Variants in MTA1 observed in about 807,000 individuals in gnomAD.
MTA1 encodes metastasis-associated protein MTA1.
MTA1 carries 15 observed loss-of-function variants against 97.0 expected under a neutral mutation model. The ratio of observed to expected loss-of-function variants is 0.15; its 90% CI spans 0.10 to 0.24. MTA1 has a LOEUF of 0.24. Among genes scored for constraint, MTA1 ranks in the 10% least tolerant of loss-of-function variants. The pLI is 1.00. For missense variants in MTA1, 709 were observed against 1,015.1 expected (o/e 0.70, Z 4.10); for synonymous variants, 435 against 417.5 (o/e 1.04, Z -0.51).
intron 8 of MTA1, among the ~76,000 whole-genome samples, chr14:105,459,577 A>C (rs542592770): frequency 7.9e-4 from 1 of 1,266 alleles, no homozygotes; most frequent in African/African-American, 8.7e-4. Context: ...GGTCCCTGGC[A>C]CCTGGGGAGC....
chr14:105,456,459 C>T (rs1192083343), intron 7 of MTA1, among the ~76,000 whole-genome samples: 2 of 152,194 alleles, frequency 1.3e-5, no homozygotes, highest in African/African-American at 4.8e-5. Flanking sequence ...GAGCCGGCCT[C>T]CTCTCCCCAC....
chr14:105,468,264 C>A lies in MTA1; in HGVS notation c.1814-1203C>A, dbSNP rs1328269706. 15 of 1,279,190 alleles carry A rather than the reference C, an allele frequency of 1.2e-5. No individual in the cohort carries two copies. In the Admixed American group the frequency reaches 3.0e-4, roughly 25 times the overall value. The allele number at this position is 1,279,190 out of a possible 1,614,324, so 79.2% of individuals were successfully genotyped here. On this transcript the variant is annotated intron_variant, in intron 18 of 20. Coordinates refer to ENST00000331320, the MANE Select transcript of MTA1 (RefSeq NM_004689.4). Reference sequence around the variant, plus strand: ...TGTTGCGCTGTCCCCACCTGCGGGGCCTGCAGATGGCTGCGTGTGGCTCAC... The same window carrying A: ...TGTTGCGCTGTCCCCACCTGCGGGGACTGCAGATGGCTGCGTGTGGCTCAC...
At chr14:105,458,538 C>T (rs906380570) in intron 8 of MTA1, among the ~76,000 whole-genome samples, 166 bp downstream of exon 8, 34 of 152,200 alleles carry the variant, frequency 2.2e-4, no homozygotes, top group African/African-American at 7.0e-4. Flanking sequence ...CAGAGAGGCT[C>T]GGGAGTGCTG....
chr14:105,440,423 G>T (rs1392646150), intron 2 of MTA1, among the ~76,000 whole-genome samples: 1 of 152,256 alleles, frequency 6.6e-6, no homozygotes, highest in East Asian at 1.9e-4. Context: ...CAGGCAACCC[G>T]GGGCGGGAGG....
At position 105,465,122 on chromosome 14, in the gene MTA1, G is replaced by T; in HGVS notation, c.1563G>T (p.Gln521His). The T allele has an allele frequency of 6.6e-7, 1 of 1,523,848 alleles. No homozygotes were observed. 94.4% of individuals were successfully genotyped at this position (1,523,848 alleles called of 1,614,324 possible). ...CGGCGCGGCTGCCCGAAGCCTCCCA[G>T]AGCCCGCTGGTGCTGAAGCAGGCGG... ...ECTARLPEASQSPLVLKQAVR... is the reference protein window; with the variant it reads ...ECTARLPEASHSPLVLKQAVR... Residue 521 changes from glutamine (Q) to histidine (H), a missense_variant, in exon 16 of 21, where the codon CAG becomes CAT. Gln to His is a conservative substitution (Grantham distance 24, BLOSUM62 0). Around this residue, in one of 2 missense-constraint regions of MTA1, gnomAD observed 388 missense variants for 421.6 expected, o/e 0.92. Transcript: ENST00000331320.
intron 6 of MTA1, among the ~76,000 whole-genome samples, chr14:105,451,368 G>A (rs142518677): frequency 1.4e-4 from 21 of 152,378 alleles, no homozygotes; most frequent in Non-Finnish European, 2.6e-4. Context: ...AGGCAGAGAA[G>A]AGCAGGCAGG....
intron 4 of MTA1, 90 bp from the exon 5 acceptor site, chr14:105,449,968 C>T (rs587597163): frequency 3.6e-5 from 56 of 1,570,092 alleles, no homozygotes; most frequent in Middle Eastern, 1.7e-4. Flanking sequence ...GGGCCTCCTG[C>T]GTGCTGGCGC....
intron 4 of MTA1, 89 bp from the exon 5 acceptor site, chr14:105,449,969 G>C (rs976255798): frequency 6.3e-7 from 1 of 1,577,408 alleles, no homozygotes; most frequent in African/African-American, 1.4e-5. Flanking sequence ...GGCCTCCTGC[G>C]TGCTGGCGCC....
chr14:105,461,322 A>C (rs1555431018), intron 10 of MTA1, among the ~76,000 whole-genome samples: 1 of 152,160 alleles, frequency 6.6e-6, no homozygotes, highest in African/African-American at 2.4e-5. Flanking sequence ...GTTTTTGACT[A>C]AGCTGAACCT....
chr14:105,431,297 AG>A (rs1555423291), intron 1 of MTA1, among the ~76,000 whole-genome samples: 1 of 152,144 alleles, frequency 6.6e-6, no homozygotes. Context: ...TCCTGACCTC[AG>A]GTGATCCACC....
chr14:105,460,984 G>A (rs376964000), intron 10 of MTA1, 31 bp downstream of exon 10: 4 of 1,587,848 alleles, frequency 2.5e-6, no homozygotes, highest in Non-Finnish European at 3.4e-6. Flanking sequence ...TGGGGGAGTG[G>A]CTGGCCATGC....
rs1383553286 is a variant in MTA1, at chr14:105,420,553, T to C, written c.28+490T>C. 6.6e-6 allele frequency among the ~76,000 whole-genome samples: 1 copy of C among 152,140 alleles called. No individual in the cohort carries two copies. Among genetic ancestry groups the C allele is most frequent in the African/African-American group, 2.4e-5 (1 of 41,440 alleles). On this transcript the variant is annotated intron_variant, in intron 1 of 20. Coordinates refer to ENST00000331320, the MANE Select transcript of MTA1 (RefSeq NM_004689.4). This position sits in a 1 kb window ranked among gnomAD's most constrained non-coding sequence, Gnocchi z 5.3. ...GCCACGTTCCTCCCTAGAGCCCTCC[T>C]GCAGCCTGGCCCCGGGGCTTCCCCC... is the stretch of plus-strand genomic sequence containing the variant.
Position 105,419,883 on chromosome 14 carries a change from T to TCGG in MTA1, c.-127_-125dup, listed in dbSNP as rs587635485. 7.0e-3 allele frequency: 1,278 copies of TCGG among 182,662 alleles called. 13 individuals are homozygous for TCGG. Among genetic ancestry groups the TCGG allele is most frequent in the Middle Eastern group, 8.5e-3 (3 of 352 alleles). 11.3% of individuals were successfully genotyped at this position (182,662 alleles called of 1,614,324 possible). A position where few individuals can be genotyped will look rare whatever the true frequency, so the allele number is the denominator to read the frequency against. On this transcript the variant is annotated 5_prime_UTR_variant, in exon 1 of 21. Coordinates refer to ENST00000331320, the MANE Select transcript of MTA1 (RefSeq NM_004689.4). ...CCGTCCCTGCGCGGCCTCGGCGGCCTCGGCGGCGGCGGCGGCGGCGGCGGC... is the reference window on the plus strand; with the variant it reads ...CCGTCCCTGCGCGGCCTCGGCGGCCTCGGCGGCGGCGGCGGCGGCGGCGGCGGC...
chr14:105,432,317 C>T (rs1257103566), intron 1 of MTA1, among the ~76,000 whole-genome samples: 10 of 152,168 alleles, frequency 6.6e-5, no homozygotes, highest in Middle Eastern at 3.4e-3. Flanking sequence ...CTCGGCTCAC[C>T]GCAACCTCTG....
At chr14:105,457,844 G>C (rs1414160449) in intron 7 of MTA1, among the ~76,000 whole-genome samples, 7 of 152,104 alleles carry the variant, frequency 4.6e-5, no homozygotes, top group Admixed American at 3.9e-4. Flanking sequence ...AGAATCGCTT[G>C]AACCTGGGAG....
Position 105,445,213 on chromosome 14 carries a change from C to G in MTA1, c.97-205C>G, listed in dbSNP as rs905674298. ...CAGGTTGAGGTTGGGTGCACACGCC[C>G]GCCTTCTCCCCTGGGATAGACGCCA... is the stretch of plus-strand genomic sequence containing the variant. On this transcript the variant is annotated intron_variant, in intron 2 of 20. Transcript: ENST00000331320. Among the ~76,000 whole-genome samples the G allele has an allele frequency of 3.3e-5, 5 of 152,226 alleles. No homozygotes were observed. In the East Asian group the frequency reaches 9.6e-4, roughly 29 times the overall value.
chr14:105,460,493 G>A (rs888035076), intron 9 of MTA1, 36 bp downstream of exon 9: 10 of 1,560,772 alleles, frequency 6.4e-6, no homozygotes, highest in African/African-American at 4.1e-5. Flanking sequence ...TGAGACCTGG[G>A]GTGGCCCATG....
chr14:105,463,952 GC>G lies in MTA1; in HGVS notation c.1077-78del. ...CGTGGTTCTGGACAAGGGGTGGTCA[GC>G]CGCGGTGCCTGCTGGGCACATGGGC... is the stretch of plus-strand genomic sequence containing the variant. On this transcript the variant is annotated intron_variant, in intron 12 of 20. Transcript: ENST00000331320. The surrounding 1 kb of genome is among the most constrained non-coding windows in gnomAD (Gnocchi z 5.9). 7.2e-7 allele frequency: 1 copy of G among 1,395,698 alleles called. No homozygotes were observed. Among genetic ancestry groups the G allele is most frequent in the Non-Finnish European group, 1.0e-6 (1 of 985,326 alleles). 86.5% of individuals were successfully genotyped at this position (1,395,698 alleles called of 1,614,324 possible).
In MTA1 at chr14:105,466,426, A is replaced by AGGGGGGGCCCC; in HGVS notation, c.1626_1627insGGGGGGCCCCG (p.Thr543GlyfsTer15). On this transcript the variant is annotated frameshift_variant and splice_region_variant, in exon 17 of 21. Coordinates refer to ENST00000331320, the MANE Select transcript of MTA1 (RefSeq NM_004689.4). LOFTEE classifies it high-confidence loss of function. ...GTTCTGCCTGTGTCATTCCCGGCAG[A>AGGGGGGGCCCC]GACCCACCCCCGCCCCCCCAAGCCT... 1 of 1,484,224 alleles carries AGGGGGGGCCCC rather than the reference A, an allele frequency of 6.7e-7. No individual in the cohort carries two copies. Among genetic ancestry groups the AGGGGGGGCCCC allele is most frequent in the Admixed American group, 1.7e-5 (1 of 58,774 alleles). 91.9% of individuals were successfully genotyped at this position (1,484,224 alleles called of 1,614,324 possible). A position where few individuals can be genotyped will look rare whatever the true frequency, so the allele number is the denominator to read the frequency against.
Sources: allele counts gnomAD v4.1 joint callset (sites outside exome capture counted in the v4.1 genomes callset), GRCh38; gene constraint gnomAD v4.1.1; regional missense constraint gnomAD v4.1.1; non-coding constraint Gnocchi (gnomAD v3.1); transcripts MANE v1.5; gene names NCBI Gene and HGNC (gene_info 2026-07-23, HGNC 2026-07-21).